Variants in PRDM2 observed in about 807,000 individuals in gnomAD.
The protein encoded by PRDM2 is PR domain zinc finger protein 2.
In PRDM2, 30 loss-of-function variants were observed where a neutral mutation model predicts 130.0. The ratio of observed to expected loss-of-function variants is 0.23; its 90% CI spans 0.17 to 0.31. PRDM2 has a LOEUF of 0.31. Among genes scored for constraint, PRDM2 ranks in the 10% least tolerant of loss-of-function variants. PRDM2 has a pLI of 1.00. For synonymous variants in PRDM2, 871 were observed against 782.4 expected (o/e 1.11, Z -1.89); for missense variants, 2,011 against 2,108.4 (o/e 0.95, Z 0.90).
intron 4 of PRDM2, among the ~76,000 whole-genome samples, chr1:13,738,126 A>T (rs1643326574): frequency 6.6e-6 from 1 of 152,324 alleles, no homozygotes; most frequent in South Asian, 2.1e-4. Context: ...TTTTTTAAAT[A>T]AGGGCCTTTT....
At chr1:13,817,071 A>T (rs1264640712) in intron 9 of PRDM2, among the ~76,000 whole-genome samples, 1 of 152,248 alleles carries the variant, frequency 6.6e-6, no homozygotes, top group African/African-American at 2.4e-5. Flanking sequence ...AGTCAAAATA[A>T]TACAGGTGGA....
chr1:13,815,159 T>C (rs373369476), intron 8 of PRDM2, among the ~76,000 whole-genome samples: 1 of 152,184 alleles, frequency 6.6e-6, no homozygotes, highest in South Asian at 2.1e-4. Context: ...CAGGCTGGTG[T>C]ACAATGGAAC....
intron 5 of PRDM2, 108 bp from the exon 6 acceptor site, chr1:13,749,252 CA>C: frequency 9.4e-7 from 1 of 1,064,878 alleles, no homozygotes. Flanking sequence ...GCGCCGCCGA[CA>C]GCTGTTTGCC....
Position 13,782,101 on chromosome 1 carries a change from A to G in PRDM2, c.4306A>G (p.Lys1436Glu), listed in dbSNP as rs1205524318. 5.0e-6 allele frequency: 8 copies of G among 1,614,096 alleles called. No homozygotes were observed. The highest frequency in any genetic ancestry group is 6.8e-6 in the Non-Finnish European group (8 of 1,180,042). ...NQLVQKAILQ[K>E]NKSAKQKADL... Reference sequence around the variant, plus strand: ...GCTAGTACAGAAAGCAATTCTTCAGAAAAACAAATCTGCAAAGCAGAAGGC... The same window carrying G: ...GCTAGTACAGAAAGCAATTCTTCAGGAAAACAAATCTGCAAAGCAGAAGGC... The change falls in exon 8 of 10, where the codon AAA becomes GAA. Residue 1436 changes from lysine to glutamate, a missense_variant. Coordinates refer to ENST00000311066, the MANE Select transcript of PRDM2 (RefSeq NM_001393986.1).
At chr1:13,713,252 G>A (rs987739473) in intron 1 of PRDM2, among the ~76,000 whole-genome samples, 1 of 152,194 alleles carries the variant, frequency 6.6e-6, no homozygotes, top group Non-Finnish European at 1.5e-5. Flanking sequence ...TTCCCCAAAA[G>A]GGCAGTGATC....
intron 8 of PRDM2, among the ~76,000 whole-genome samples, chr1:13,808,012 G>A (rs1395133342): frequency 1.3e-5 from 2 of 152,120 alleles, no homozygotes; most frequent in Non-Finnish European, 2.9e-5. Context: ...TAAGTAAAAT[G>A]TCCAGAAATT....
At chr1:13,742,296 G>A (rs1448080087) in intron 5 of PRDM2, 139 bp downstream of exon 5, 2 of 965,812 alleles carry the variant, frequency 2.1e-6, no homozygotes, top group African/African-American at 3.3e-5. Flanking sequence ...AGCCTCCCCA[G>A]CCTTGGGCGA....
rs1642508179 is a variant in PRDM2, at chr1:13,715,617, G to A, written c.9+3G>A. 1 of 1,590,748 alleles carries A rather than the reference G, an allele frequency of 6.3e-7. No homozygotes were observed. Among genetic ancestry groups the A allele is most frequent in the African/African-American group, 1.4e-5 (1 of 73,664 alleles). On this transcript the variant is annotated splice_donor_region_variant and intron_variant, in intron 2 of 9. Coordinates refer to ENST00000311066, the MANE Select transcript of PRDM2 (RefSeq NM_001393986.1). ...AACAGGAATTGAAAATGAATCAGGT[G>A]AGTTTAAAAATCAGAATTTATACAA...
At chr1:13,718,605 T>C (rs374518820) in intron 2 of PRDM2, among the ~76,000 whole-genome samples, 47 of 152,268 alleles carry the variant, frequency 3.1e-4, no homozygotes, top group African/African-American at 1.1e-3. Flanking sequence ...TCCCTTCTGT[T>C]CTTCACTCAA....
chr1:13,782,442 A>C lies in PRDM2; in HGVS notation c.4647A>C (p.Ser1549=). 3 of 1,613,866 alleles carry C rather than the reference A, an allele frequency of 1.9e-6. No homozygotes were observed. The highest frequency in any genetic ancestry group is 2.5e-6 in the Non-Finnish European group (3 of 1,179,988). ...SGPTQVPLPS[S]SFRSKQNVKF... The stretch of plus-strand genomic sequence containing the variant: ...CCACCCAAGTCCCACTTCCCTCCTC[A>C]TCCTTCAGGTCCAAGCAGAACGTCA... Residue 1549 remains serine, a synonymous_variant, in exon 8 of 10, where the codon TCA becomes TCC. Coordinates refer to ENST00000311066, the MANE Select transcript of PRDM2 (RefSeq NM_001393986.1).
chr1:13,706,895 G>C (rs1642227227), intron 1 of PRDM2, among the ~76,000 whole-genome samples: 1 of 151,144 alleles, frequency 6.6e-6, no homozygotes, highest in South Asian at 2.1e-4. Context: ...ATGTTTGTGA[G>C]AAGTAGTAAC....
In PRDM2 at chr1:13,778,519, C is replaced by T; in HGVS notation, c.724C>T (p.Pro242Ser). 1 of 1,614,134 alleles carries T rather than the reference C, an allele frequency of 6.2e-7. No homozygotes were observed. Among genetic ancestry groups the T allele is most frequent in the Non-Finnish European group, 8.5e-7 (1 of 1,180,032 alleles). ...GGAGGTGCCTCCAGAACTAGCAACC[C>T]CTGCCCCTGCCTGGGAGCCACAGCC... ...SQEVPPELATPAPAWEPQPEP... is the reference protein window; with the variant it reads ...SQEVPPELATSAPAWEPQPEP... The change falls in exon 8 of 10, where the codon CCT becomes TCT. Residue 242 changes from proline (P) to serine (S), a missense_variant. Coordinates refer to ENST00000311066, the MANE Select transcript of PRDM2 (RefSeq NM_001393986.1).
chr1:13,810,790 G>A (rs1393870932), intron 8 of PRDM2, among the ~76,000 whole-genome samples: 1 of 151,830 alleles, frequency 6.6e-6, no homozygotes, highest in African/African-American at 2.4e-5. Flanking sequence ...CACCGCACCT[G>A]GCTGAAAGCT....
rs533718047 is a variant in PRDM2 at position 13,809,226 on chromosome 1, C to T, written c.5037-7201C>T. On this transcript the variant is annotated intron_variant, in intron 8 of 9. Transcript: ENST00000311066. Reference sequence around the variant, plus strand: ...GGGTTTTGACAGGTTGCAGCAGGGGCGTGTCGTGGTCCGTTTTGCCTTTTG... The same window carrying T: ...GGGTTTTGACAGGTTGCAGCAGGGGTGTGTCGTGGTCCGTTTTGCCTTTTG... Among the ~76,000 whole-genome samples, 27 of 152,238 alleles carry T rather than the reference C, an allele frequency of 1.8e-4. 2 individuals carry two copies. The East Asian group carries it at 3.9e-3, about 22-fold the overall frequency.
intron 2 of PRDM2, among the ~76,000 whole-genome samples, chr1:13,718,458 T>C (rs1166554360): frequency 6.6e-6 from 1 of 152,212 alleles, no homozygotes; most frequent in Non-Finnish European, 1.5e-5. Context: ...CTTTCAGCAC[T>C]GACTATTGAG....
At chr1:13,768,766 C>G (rs1016329001) in intron 6 of PRDM2, among the ~76,000 whole-genome samples, 10 of 152,164 alleles carry the variant, frequency 6.6e-5, no homozygotes, top group African/African-American at 1.7e-4. Flanking sequence ...CTTTGGGTGT[C>G]TACCTTGTAA....
In PRDM2 at chr1:13,803,758, C is replaced by T. The variant is rs1198092992; in HGVS notation, c.5037-12669C>T. 6.6e-6 allele frequency among the ~76,000 whole-genome samples: 1 copy of T among 152,200 alleles called. No homozygotes were observed. Among genetic ancestry groups the T allele is most frequent in the Non-Finnish European group, 1.5e-5 (1 of 68,036 alleles). On this transcript the variant is annotated intron_variant, in intron 8 of 9. Transcript: ENST00000311066. The surrounding 1 kb of genome is among the most constrained non-coding windows in gnomAD (Gnocchi z 6.2). ...TCACTGCAGGCCAGGCCGGGCCAGCCTCCCTATCAACTGGGTCATGTGTTA... is the reference window on the plus strand; with the variant it reads ...TCACTGCAGGCCAGGCCGGGCCAGCTTCCCTATCAACTGGGTCATGTGTTA...
At chr1:13,758,485 C>G (rs922852926) in intron 6 of PRDM2, among the ~76,000 whole-genome samples, 5 of 151,948 alleles carry the variant, frequency 3.3e-5, no homozygotes, top group Non-Finnish European at 5.9e-5. Flanking sequence ...TAACACCCGC[C>G]CCAACCACCC....
At chr1:13,814,804 G>T (rs1645231401) in intron 8 of PRDM2, among the ~76,000 whole-genome samples, 1 of 152,204 alleles carries the variant, frequency 6.6e-6, no homozygotes, top group Admixed American at 6.5e-5. Context: ...ACCTGGAGCA[G>T]GTAGGGTTCC....
Sources: allele counts gnomAD v4.1 joint callset (sites outside exome capture counted in the v4.1 genomes callset), GRCh38; gene constraint gnomAD v4.1.1; non-coding constraint Gnocchi (gnomAD v3.1); transcripts MANE v1.5; gene names NCBI Gene and HGNC (gene_info 2026-07-23, HGNC 2026-07-21).